Variants in DNAJC11 observed in about 807,000 individuals in gnomAD.
The protein encoded by DNAJC11 is DnaJ heat shock protein family (Hsp40) member C11.
A neutral mutation model predicts 78.6 loss-of-function variants in DNAJC11; 15 were observed. The ratio of observed to expected loss-of-function variants is 0.19; its 90% CI spans 0.13 to 0.29. The LOEUF is 0.29. DNAJC11 is among the 10% of genes least tolerant of loss of function. The pLI, the probability that DNAJC11 is intolerant of heterozygous loss-of-function variation, is 1.00. For missense variants in DNAJC11, 547 were observed against 709.6 expected (o/e 0.77, Z 2.60); for synonymous variants, 292 against 272.1 (o/e 1.07, Z -0.72).
intron 1 of DNAJC11, among the ~76,000 whole-genome samples, chr1:6,681,679 C>A (rs892993112): frequency 6.6e-6 from 1 of 152,078 alleles, no homozygotes; most frequent in African/African-American, 2.4e-5. Context: ...ACAAGGCAGA[C>A]GGGCTCTGGT....
At chr1:6,676,448 G>T (rs572107871) in intron 3 of DNAJC11, among the ~76,000 whole-genome samples, 1 of 152,148 alleles carries the variant, frequency 6.6e-6, no homozygotes, top group Non-Finnish European at 1.5e-5. Flanking sequence ...GGGAGGCTGA[G>T]GGGGGAGGGT....
At chr1:6,638,408 C>A (rs1198448751) in intron 11 of DNAJC11, 44 bp from the exon 12 acceptor site, 3 of 1,583,922 alleles carry the variant, frequency 1.9e-6, no homozygotes, top group Non-Finnish European at 1.7e-6. Context: ...GCGGCGCTGC[C>A]CAGCTTCCAG....
intron 4 of DNAJC11, among the ~76,000 whole-genome samples, chr1:6,655,490 G>A (rs1435011823): frequency 2.0e-5 from 3 of 152,138 alleles, no homozygotes; most frequent in Non-Finnish European, 2.9e-5. Context: ...CTGTCATGAT[G>A]ATGATTCTGA....
chr1:6,685,539 T>A (rs1026979369), intron 1 of DNAJC11, among the ~76,000 whole-genome samples: 1 of 152,190 alleles, frequency 6.6e-6, no homozygotes, highest in African/African-American at 2.4e-5. Flanking sequence ...CATCTTTTTA[T>A]CTTTGGAGCT....
chr1:6,644,440 C>A, intron 10 of DNAJC11, 118 bp downstream of exon 10: 1 of 814,904 alleles, frequency 1.2e-6, no homozygotes, highest in South Asian at 1.5e-5. Context: ...AGCCAAGCAA[C>A]TGTGTCTTTA....
chr1:6,696,574 C>G (rs891198878), intron 1 of DNAJC11, among the ~76,000 whole-genome samples: 3 of 152,122 alleles, frequency 2.0e-5, no homozygotes, highest in African/African-American at 7.2e-5. Context: ...GCTAAGGAAA[C>G]CCCAACAACA....
At position 6,638,281 on chromosome 1, in the gene DNAJC11, G is replaced by A. The variant is rs1401540478; in HGVS notation, c.1323+14C>T. On this transcript the variant is annotated intron_variant, in intron 12 of 15. Transcript: ENST00000377577. ...CCTACAGCCCTCGCTTGGGAACGGTGGGGCAGCACTCACAGCGGACTCCGC... is the reference window on the plus strand; with the variant it reads ...CCTACAGCCCTCGCTTGGGAACGGTAGGGCAGCACTCACAGCGGACTCCGC... The A allele has an allele frequency of 6.2e-7, 1 of 1,610,346 alleles. No individual in the cohort carries two copies. The highest frequency in any genetic ancestry group is 8.5e-7 in the Non-Finnish European group (1 of 1,177,486).
At position 6,653,511 on chromosome 1, in the gene DNAJC11, A is replaced by G. The variant is rs1642085782; in HGVS notation, c.507+400T>C. On this transcript the variant is annotated intron_variant, in intron 5 of 15. Coordinates refer to ENST00000377577, the MANE Select transcript of DNAJC11 (RefSeq NM_018198.4). This position sits in a 1 kb window ranked among gnomAD's most constrained non-coding sequence, Gnocchi z 4.5. ...AGAATGGTGACATTTTCGCGTGCCC[A>G]GGGCTCAGGATGAGAGCTGCTATAG... Among the ~76,000 whole-genome samples the G allele has an allele frequency of 6.6e-6, 1 of 152,248 alleles. No individual in the cohort carries two copies. Among genetic ancestry groups the G allele is most frequent in the African/African-American group, 2.4e-5 (1 of 41,466 alleles).
rs373156100 is a variant in DNAJC11 at position 6,673,058 on chromosome 1, T to C, written c.277-5248A>G. 7.8e-4 allele frequency among the ~76,000 whole-genome samples: 118 copies of C among 151,834 alleles called. 1 individual carries two copies. Among genetic ancestry groups the C allele is most frequent in the African/African-American group, 2.7e-3 (110 of 41,442 alleles). On this transcript the variant is annotated intron_variant, in intron 3 of 15. Coordinates refer to ENST00000377577, the MANE Select transcript of DNAJC11 (RefSeq NM_018198.4). ...TAAAAATACAAAATTTTGCTGGGCA[T>C]GGTGGCGGGCGCCCATAATTCCAGC...
intron 1 of DNAJC11, among the ~76,000 whole-genome samples, chr1:6,684,704 C>T (rs1473566011): frequency 1.3e-5 from 2 of 152,034 alleles, no homozygotes; most frequent in African/African-American, 2.4e-5. Context: ...TAAATGAGAA[C>T]CTCTTTCACT....
intron 4 of DNAJC11, among the ~76,000 whole-genome samples, chr1:6,659,513 G>A (rs1320023905): frequency 1.1e-4 from 17 of 150,704 alleles, no homozygotes; most frequent in South Asian, 8.4e-4. Context: ...TAATCACAGC[G>A]CTCTGGGAGG....
chr1:6,672,613 G>A (rs1013396182), intron 3 of DNAJC11, among the ~76,000 whole-genome samples: 5 of 152,182 alleles, frequency 3.3e-5, no homozygotes, highest in African/African-American at 4.8e-5. Context: ...TTTCTGGAGC[G>A]GTGAAGACAC....
intron 4 of DNAJC11, among the ~76,000 whole-genome samples, chr1:6,656,912 T>C (rs115284347): frequency 9.2e-5 from 14 of 152,044 alleles, no homozygotes; most frequent in Non-Finnish European, 1.8e-4. Flanking sequence ...TGAGACCCTA[T>C]CTCAAAGTAA....
chr1:6,652,123 G>T (rs952076976), intron 6 of DNAJC11, among the ~76,000 whole-genome samples: 1 of 152,214 alleles, frequency 6.6e-6, no homozygotes, highest in Non-Finnish European at 1.5e-5. Context: ...GCTGAGCCTG[G>T]CTGCCGTGTT....
chr1:6,674,799 C>A (rs561509270), intron 3 of DNAJC11, among the ~76,000 whole-genome samples: 1 of 151,990 alleles, frequency 6.6e-6, no homozygotes. Flanking sequence ...TCTAAAGAAG[C>A]TCCAGGGTTG....
At chr1:6,686,188 C>G (rs1642652421) in intron 1 of DNAJC11, among the ~76,000 whole-genome samples, 1 of 152,050 alleles carries the variant, frequency 6.6e-6, no homozygotes, top group Non-Finnish European at 1.5e-5. Context: ...CTTTGGGATC[C>G]TCAATAACTT....
chr1:6,644,269 G>C (rs1641931448), intron 10 of DNAJC11, among the ~76,000 whole-genome samples: 1 of 152,074 alleles, frequency 6.6e-6, no homozygotes, highest in Non-Finnish European at 1.5e-5. Flanking sequence ...AAATAGCTGG[G>C]ATTATAGGCG....
At chr1:6,692,352 C>T (rs371449960) in intron 1 of DNAJC11, among the ~76,000 whole-genome samples, 11 of 151,972 alleles carry the variant, frequency 7.2e-5, no homozygotes, top group African/African-American at 2.2e-4. Flanking sequence ...CTCCACTTCC[C>T]GGGCACCCTC....
chr1:6,646,385 T>C (rs1375172418), intron 7 of DNAJC11, among the ~76,000 whole-genome samples: 1 of 152,202 alleles, frequency 6.6e-6, no homozygotes, highest in African/African-American at 2.4e-5. Context: ...ACCTGGCTCA[T>C]CCACAAATCA....
Sources: allele counts gnomAD v4.1 joint callset (sites outside exome capture counted in the v4.1 genomes callset), GRCh38; gene constraint gnomAD v4.1.1; non-coding constraint Gnocchi (gnomAD v3.1); transcripts MANE v1.5; gene names NCBI Gene and HGNC (gene_info 2026-07-23, HGNC 2026-07-21).